The following NCOR1 variants were observed in gnomAD, a reference collection of about 807,000 sequenced individuals.
NCOR1 encodes protein phosphatase 1, regulatory subunit 109.
Under a neutral mutation model 288.1 loss-of-function variants are expected in NCOR1, and 63 were observed. The ratio of observed to expected loss-of-function variants is 0.22; its 90% confidence interval spans 0.18 to 0.27. The LOEUF is 0.27. NCOR1 is among the 10% of genes least tolerant of loss of function. The pLI, the probability that NCOR1 is intolerant of heterozygous loss-of-function variation, is 1.00. For synonymous variants in NCOR1, 1,007 were observed against 1,065.9 expected (o/e 0.94, Z 1.08); for missense variants, 2,397 against 3,019.2 (o/e 0.79, Z 4.83).
intron 22 of NCOR1, chr17:16,087,173 T>C (rs2064374975): frequency 3.1e-6 from 4 of 1,303,636 alleles, no homozygotes; most frequent in Non-Finnish European, 4.0e-6. Context: ...GATATTTACC[T>C]GGCGGGACAC....
chr17:16,136,460 G>A (rs929424029), intron 14 of NCOR1, among the ~76,000 whole-genome samples: 2 of 152,104 alleles, frequency 1.3e-5, no homozygotes, highest in Non-Finnish European at 2.9e-5. Flanking sequence ...CCAAAGTACG[G>A]GGATTACAGG....
chr17:16,197,831 A>G (rs973802894), intron 1 of NCOR1, among the ~76,000 whole-genome samples: 11 of 152,148 alleles, frequency 7.2e-5, no homozygotes, highest in African/African-American at 1.4e-4. Flanking sequence ...TTTTGGAAAT[A>G]AATATTATAT....
chr17:16,048,625 A>G (rs1292500848), intron 41 of NCOR1, among the ~76,000 whole-genome samples: 1 of 152,200 alleles, frequency 6.6e-6, no homozygotes, highest in Non-Finnish European at 1.5e-5. Flanking sequence ...AATAATGAAC[A>G]AATATTTTCT....
intron 21 of NCOR1, among the ~76,000 whole-genome samples, chr17:16,092,682 TATATATATA>T (rs1333596301): frequency 0.015 from 309 of 20,962 alleles, 15 homozygotes; most frequent in South Asian, 0.033. Flanking sequence ...TATATATATA[TATATATATA>T]TATATTTTTT....
At chr17:16,093,977 A>T (rs1207941114) in intron 21 of NCOR1, among the ~76,000 whole-genome samples, 1 of 151,716 alleles carries the variant, frequency 6.6e-6, no homozygotes, top group African/African-American at 2.4e-5. Context: ...GTGCCATCTC[A>T]CCTCACCACA....
intron 6 of NCOR1, among the ~76,000 whole-genome samples, chr17:16,155,370 TACACACACAC>T (rs1310916507): frequency 8.8e-6 from 1 of 113,228 alleles, no homozygotes; most frequent in Non-Finnish European, 1.9e-5. Context: ...AAAAAAAAAA[TACACACACAC>T]ACACACACAC....
At chr17:16,107,174 C>G (rs1343526274) in intron 19 of NCOR1, among the ~76,000 whole-genome samples, 4 of 152,010 alleles carry the variant, frequency 2.6e-5, no homozygotes, top group African/African-American at 9.7e-5. Flanking sequence ...GGGTTACAGG[C>G]ATGAGCCACT....
In NCOR1 at chr17:16,031,937, G is replaced by GGGGA. The variant is rs1403100844; in HGVS notation, c.*355_*358dup. 7.6e-6 allele frequency: 2 copies of GGGGA among 263,180 alleles called. No individual in the cohort carries two copies. Among genetic ancestry groups the GGGGA allele is most frequent in the African/African-American group, 4.4e-5 (2 of 45,728 alleles). The allele number at this position is 263,180 out of a possible 1,614,324, so 16.3% of individuals were successfully genotyped here. A position where few individuals can be genotyped will look rare whatever the true frequency, so the allele number is the denominator to read the frequency against. ...ATAAGTACACCAGATACTACAGCAA[G>GGGGA]GGGATATACACTGCAAAAAGGTCAT... is the stretch of plus-strand genomic sequence containing the variant. On this transcript the variant is annotated 3_prime_UTR_variant, in exon 46 of 46. Transcript: ENST00000268712.
intron 27 of NCOR1, among the ~76,000 whole-genome samples, chr17:16,074,005 T>C (rs556362684): frequency 2.5e-4 from 38 of 151,946 alleles, no homozygotes; most frequent in Non-Finnish European, 4.9e-4. Flanking sequence ...TCAAAGGTAA[T>C]AGGAGGAAAA....
chr17:16,091,642 T>TC, intron 22 of NCOR1: 1 of 1,373,940 alleles, frequency 7.3e-7, no homozygotes. Context: ...AAATTCACAT[T>TC]AACTAGAATG....
chr17:16,186,755 G>T, intron 2 of NCOR1, 68 bp from the exon 3 acceptor site: 1 of 1,482,144 alleles, frequency 6.7e-7, no homozygotes, highest in Non-Finnish European at 9.3e-7. Flanking sequence ...ATCAAAGCAA[G>T]TATAAAGGTA....
At chr17:16,121,309 G>A (rs1179577948) in intron 15 of NCOR1, 40 bp from the exon 16 acceptor site, 1 of 1,521,316 alleles carries the variant, frequency 6.6e-7, no homozygotes, top group Admixed American at 1.9e-5. Flanking sequence ...TGATTCCAAA[G>A]TATACATACA....
At chr17:16,210,091 AC>A (rs753069906) in intron 1 of NCOR1, among the ~76,000 whole-genome samples, 11 of 151,754 alleles carry the variant, frequency 7.2e-5, no homozygotes, top group Non-Finnish European at 1.3e-4. Context: ...AAATAATTTA[AC>A]CTATTTGTAG....
chr17:16,164,174 G>A (rs1458743991), intron 5 of NCOR1, among the ~76,000 whole-genome samples: 1 of 151,640 alleles, frequency 6.6e-6, no homozygotes, highest in African/African-American at 2.4e-5. Flanking sequence ...CTGGGAGACA[G>A]AGGTTGCAGT....
chr17:16,075,805 A>T (rs2062372825), intron 26 of NCOR1, 103 bp from the exon 27 acceptor site: 1 of 1,262,720 alleles, frequency 7.9e-7, no homozygotes, highest in Admixed American at 2.4e-5. Flanking sequence ...GCTAATCTAT[A>T]GCTTCAAAGA....
chr17:16,148,688 A>AAC (rs2078394775), intron 9 of NCOR1, among the ~76,000 whole-genome samples: 3 of 150,274 alleles, frequency 2.0e-5, no homozygotes, highest in Admixed American at 6.6e-5. Context: ...AAAAAAAAAA[A>AAC]AACAACTCAA....
chr17:16,087,404 G>C, intron 22 of NCOR1: 1 of 1,164,270 alleles, frequency 8.6e-7, no homozygotes, highest in Non-Finnish European at 1.2e-6. Flanking sequence ...TAGTAAGTGT[G>C]AAAGGACCAA....
intron 1 of NCOR1, among the ~76,000 whole-genome samples, chr17:16,196,756 C>T (rs1369260361): frequency 2.1e-5 from 3 of 142,194 alleles, no homozygotes; most frequent in Non-Finnish European, 4.5e-5. Context: ...ACCCGGGAGG[C>T]GGAGCTTGCC....
At chr17:16,087,487 A>G (rs2064433597) in intron 22 of NCOR1, 1 of 333,356 alleles carries the variant, frequency 3.0e-6, no homozygotes, top group Non-Finnish European at 5.7e-6. Flanking sequence ...ATTCACCCAC[A>G]GAGAAGTTAA....
Sources: allele counts gnomAD v4.1 joint callset (sites outside exome capture counted in the v4.1 genomes callset), GRCh38; gene constraint gnomAD v4.1.1; transcripts MANE v1.5; gene names NCBI Gene and HGNC (gene_info 2026-07-23, HGNC 2026-07-21).